ATP13A4: variants seen among roughly 807,000 people sequenced by gnomAD.
ATP13A4 encodes ATPase 13A4.
In ATP13A4, 114 loss-of-function variants were observed where a neutral mutation model predicts 142.5. The ratio of observed to expected loss-of-function variants is 0.80; its 90% CI spans 0.69 to 0.93. ATP13A4 has a LOEUF of 0.93. Ranked by LOEUF, ATP13A4 falls within the 40% of genes least tolerant of loss-of-function variation. The pLI is 0.00. For missense variants in ATP13A4, 1,392 were observed against 1,454.0 expected, an observed-to-expected ratio of 0.96 and a Z score of 0.69; for synonymous variants, 488 against 514.8, an observed-to-expected ratio of 0.95 and a Z score of 0.70.
In ATP13A4 at chr3:193,527,056, C is replaced by T. The variant is rs531862470; in HGVS notation, c.61-12185G>A. Among the ~76,000 whole-genome samples the T allele has an allele frequency of 5.3e-5, 8 of 152,298 alleles. No individual in the cohort carries two copies. The East Asian group carries it at 1.5e-3, about 29-fold the overall frequency. ...GGACCCATAGCAATAACTCTTAAGA[C>T]ATCAAGAGTTGCGGCCCACAGCTTT... On this transcript the variant is annotated intron_variant, in intron 1 of 29. Coordinates refer to ENST00000342695, the MANE Select transcript of ATP13A4 (RefSeq NM_032279.4).
At chr3:193,488,962 C>T (rs1719792134) in intron 7 of ATP13A4, among the ~76,000 whole-genome samples, 1 of 152,032 alleles carries the variant, frequency 6.6e-6, no homozygotes, top group Non-Finnish European at 1.5e-5. Context: ...AATGAGAGTT[C>T]AGGGAAGGAG....
At chr3:193,496,324 C>T (rs1720221601) in intron 3 of ATP13A4, among the ~76,000 whole-genome samples, 1 of 152,166 alleles carries the variant, frequency 6.6e-6, no homozygotes, top group Non-Finnish European at 1.5e-5. Context: ...TCAAATTTCA[C>T]TACAAAGCGA....
At chr3:193,520,771 T>C (rs550118472) in intron 1 of ATP13A4, among the ~76,000 whole-genome samples, 1 of 152,328 alleles carries the variant, frequency 6.6e-6, no homozygotes, top group Admixed American at 6.5e-5. Context: ...CCATTTTCCA[T>C]TAACAATGTT....
At chr3:193,454,367 T>G (rs1001831744) in intron 16 of ATP13A4, among the ~76,000 whole-genome samples, 155 bp from the exon 17 acceptor site, 1 of 152,208 alleles carries the variant, frequency 6.6e-6, no homozygotes. Context: ...ATAACTACAT[T>G]GTCAGGGTTG....
At chr3:193,485,572 A>G (rs1021204664) in intron 7 of ATP13A4, among the ~76,000 whole-genome samples, 3 of 152,142 alleles carry the variant, frequency 2.0e-5, no homozygotes, top group African/African-American at 2.4e-5. Context: ...TCGGAAATAA[A>G]AAAAGAAATA....
intron 1 of ATP13A4, among the ~76,000 whole-genome samples, chr3:193,548,691 G>A (rs769745244): frequency 6.6e-6 from 1 of 152,224 alleles, no homozygotes; most frequent in Non-Finnish European, 1.5e-5. Flanking sequence ...AAGAAAAGAC[G>A]AACATCAGCT....
chr3:193,509,650 C>A (rs535349089), intron 2 of ATP13A4, among the ~76,000 whole-genome samples: 1 of 152,276 alleles, frequency 6.6e-6, no homozygotes, highest in East Asian at 1.9e-4. Context: ...CGGTAAAAAG[C>A]ACTACAGCGG....
At chr3:193,544,195 A>G (rs1344008499) in intron 1 of ATP13A4, among the ~76,000 whole-genome samples, 1 of 152,230 alleles carries the variant, frequency 6.6e-6, no homozygotes, top group Non-Finnish European at 1.5e-5. Flanking sequence ...CTTCTAAGTA[A>G]GAAACCATCT....
intron 7 of ATP13A4, 53 bp downstream of exon 7, chr3:193,489,677 T>A: frequency 6.4e-7 from 1 of 1,560,918 alleles, no homozygotes; most frequent in African/African-American, 1.4e-5. Flanking sequence ...AAATTTTTAA[T>A]AAAGTCATTA....
chr3:193,578,557 C>G (rs1724460026), intron 2 of ATP13A4, among the ~76,000 whole-genome samples: 1 of 152,034 alleles, frequency 6.6e-6, no homozygotes, highest in Non-Finnish European at 1.5e-5. Context: ...GGTAAAGCAT[C>G]ACTTCTGGGT....
intron 1 of ATP13A4, among the ~76,000 whole-genome samples, chr3:193,534,885 C>T (rs917559662): frequency 6.6e-6 from 1 of 151,860 alleles, no homozygotes; most frequent in African/African-American, 2.4e-5. Flanking sequence ...GAGTCAACCC[C>T]AAACAGAACA....
intron 1 of ATP13A4, among the ~76,000 whole-genome samples, chr3:193,582,653 A>ATATATAATATATATGTATAT (rs1553863178): frequency 1.4e-5 from 1 of 70,476 alleles, no homozygotes; most frequent in African/African-American, 8.2e-5. Flanking sequence ...TGTATATTAC[A>ATATATAATATATATGTATAT]TACATTATAT....
rs369982080 is a variant in ATP13A4 at position 193,459,282 on chromosome 3, A to T, written c.1524-51T>A. 93 of 1,609,844 alleles carry T rather than the reference A, an allele frequency of 5.8e-5. 1 individual carries two copies. The Middle Eastern group carries it at 1.6e-3, about 27-fold the overall frequency. Reference sequence around the variant, plus strand: ...CCATTCCATCGCCTCATGCCAAAACAGAGCATCTTGGAGGTGAACAAACAT... The same window carrying T: ...CCATTCCATCGCCTCATGCCAAAACTGAGCATCTTGGAGGTGAACAAACAT... On this transcript the variant is annotated intron_variant, in intron 13 of 29. Transcript: ENST00000342695.
At chr3:193,561,539 T>C (rs995839336) in intron 2 of ATP13A4, among the ~76,000 whole-genome samples, 1 of 152,222 alleles carries the variant, frequency 6.6e-6, no homozygotes, top group Non-Finnish European at 1.5e-5. Flanking sequence ...AATTCAGAGC[T>C]CTTATTTGTG....
rs138652566 is a variant in ATP13A4, at chr3:193,578,064, C to T, written n.291+3643G>A. 2.8e-3 allele frequency among the ~76,000 whole-genome samples: 432 copies of T among 152,174 alleles called. 2 individuals carry two copies. The highest frequency in any genetic ancestry group is 1.0e-2 in the African/African-American group (414 of 41,532). On this transcript the variant is annotated intron_variant and non_coding_transcript_variant, in intron 2 of 3. Transcript: ENST00000489140. ...AATCCCAGCACTTGGGAGGCTGAGGCGGGTGGATCACTTGAGGTCAGGAGT... is the reference window on the plus strand; with the variant it reads ...AATCCCAGCACTTGGGAGGCTGAGGTGGGTGGATCACTTGAGGTCAGGAGT...
intron 1 of ATP13A4, among the ~76,000 whole-genome samples, chr3:193,526,673 A>G (rs966388433): frequency 6.6e-6 from 1 of 152,222 alleles, no homozygotes; most frequent in African/African-American, 2.4e-5. Context: ...TTGATCCTGT[A>G]AACTTCAAAA....
chr3:193,429,436 T>C (rs893929882), intron 25 of ATP13A4, among the ~76,000 whole-genome samples: 5 of 152,142 alleles, frequency 3.3e-5, no homozygotes, highest in Non-Finnish European at 7.4e-5. Context: ...ATGTGGTATA[T>C]ACATATAATG....
At chr3:193,589,062 C>T (rs1341530423) in intron 1 of ATP13A4, among the ~76,000 whole-genome samples, 1 of 152,102 alleles carries the variant, frequency 6.6e-6, no homozygotes, top group African/African-American at 2.4e-5. Flanking sequence ...ATCACTTAAA[C>T]CTGGGAGGTG....
At chr3:193,500,263 T>C (rs1720466463) in intron 3 of ATP13A4, among the ~76,000 whole-genome samples, 1 of 152,136 alleles carries the variant, frequency 6.6e-6, no homozygotes, top group Non-Finnish European at 1.5e-5. Context: ...CTGCTTGTAA[T>C]TTCTTGTTAG....
Sources: allele counts gnomAD v4.1 joint callset (sites outside exome capture counted in the v4.1 genomes callset), GRCh38; gene constraint gnomAD v4.1.1; transcripts MANE v1.5; gene names NCBI Gene and HGNC (gene_info 2026-07-23, HGNC 2026-07-21).